Variants in SLC25A37 observed in about 807,000 individuals in gnomAD.
SLC25A37 encodes the protein mitoferrin-1.
SLC25A37 carries 17 observed loss-of-function variants against 31.0 expected under a neutral mutation model. That is an observed-to-expected ratio of 0.55 (90% CI 0.38 to 0.82). The LOEUF (loss-of-function observed/expected upper bound fraction) is 0.82. Among genes scored for constraint, SLC25A37 ranks in the 40% least tolerant of loss-of-function variants. The pLI, the probability that SLC25A37 is intolerant of heterozygous loss-of-function variation, is 0.00. For synonymous variants in SLC25A37, 222 were observed against 193.0 expected (o/e 1.15, Z -1.24); for missense variants, 404 against 465.8 (o/e 0.87, Z 1.22).
intron 1 of SLC25A37, among the ~76,000 whole-genome samples, chr8:23,542,343 A>G (rs960557263): frequency 2.1e-5 from 3 of 145,248 alleles, no homozygotes; most frequent in Admixed American, 2.1e-4. Flanking sequence ...TTACTATGCT[A>G]TACTTTTTGT....
rs1046935435 is a variant in SLC25A37 at position 23,529,928 on chromosome 8, T to A, written c.210+716T>A. 2.4e-4 allele frequency among the ~76,000 whole-genome samples: 36 copies of A among 152,120 alleles called. No homozygotes were observed. The highest frequency in any genetic ancestry group is 2.4e-3 in the Admixed American group (36 of 15,280). ...TGGGTGGGCTTGTGCCTTACAGCCC[T>A]TGCTGTGGATTGTGTGAGAGGCACT... On this transcript the variant is annotated intron_variant, in intron 1 of 3. Transcript: ENST00000519973. This position sits in a 1 kb window ranked among gnomAD's most constrained non-coding sequence, Gnocchi z 4.1.
At chr8:23,547,742 G>T (rs1482416236) in intron 1 of SLC25A37, among the ~76,000 whole-genome samples, 2 of 152,202 alleles carry the variant, frequency 1.3e-5, no homozygotes, top group African/African-American at 2.4e-5. Flanking sequence ...TGTCTGCCTA[G>T]AAATAAATGA....
At chr8:23,568,495 A>T in intron 3 of SLC25A37, 117 bp downstream of exon 3, 1 of 1,108,466 alleles carries the variant, frequency 9.0e-7, no homozygotes, top group Non-Finnish European at 1.4e-6. Context: ...GTCTCCAGTC[A>T]GAGCAGACAG....
At chr8:23,539,409 AC>A (rs1801844740) in intron 1 of SLC25A37, among the ~76,000 whole-genome samples, 1 of 152,068 alleles carries the variant, frequency 6.6e-6, no homozygotes, top group Non-Finnish European at 1.5e-5. Context: ...TGAAAGAGAG[AC>A]CCTGGCTGAT....
rs1393994416 is a variant in SLC25A37, at chr8:23,571,574, G to A, written c.736G>A (p.Ala246Thr). 5.6e-6 allele frequency: 9 copies of A among 1,613,538 alleles called. No individual in the cohort carries two copies. The highest frequency in any genetic ancestry group is 2.2e-5 in the East Asian group (1 of 44,872). ...CATCATCTCAGGCGGGCTGGCCGGG[G>A]CCCTCGCCGCGGCCGCCACGACCCC... is the stretch of plus-strand genomic sequence containing the variant. ...SHIISGGLAG[A>T]LAAAATTPLD... Residue 246 changes from alanine to threonine, a missense_variant, in exon 4 of 4, where the codon GCC (alanine) becomes ACC (threonine). Ala to Thr is a moderately conservative substitution (Grantham distance 58, BLOSUM62 0). Coordinates refer to ENST00000519973, the MANE Select transcript of SLC25A37 (RefSeq NM_016612.4).
At chr8:23,568,450 G>A in intron 3 of SLC25A37, 72 bp downstream of exon 3, 2 of 1,574,022 alleles carry the variant, frequency 1.3e-6, no homozygotes, top group East Asian at 2.2e-5. Flanking sequence ...TTGTGGGAGA[G>A]TGGAGAGGAC....
At chr8:23,559,310 G>T (rs372613745) in intron 1 of SLC25A37, among the ~76,000 whole-genome samples, 15 of 152,006 alleles carry the variant, frequency 9.9e-5, no homozygotes, top group African/African-American at 3.6e-4. Context: ...GACAGGAAAA[G>T]AAATTTGTGA....
intron 2 of SLC25A37, 139 bp from the exon 3 acceptor site, chr8:23,568,183 C>A: frequency 1.2e-6 from 1 of 836,706 alleles, no homozygotes; most frequent in Non-Finnish European, 2.1e-6. Flanking sequence ...TTTTAAGAGT[C>A]AGTGCTCACC....
chr8:23,540,673 G>A (rs1801871109), intron 1 of SLC25A37, among the ~76,000 whole-genome samples: 1 of 152,104 alleles, frequency 6.6e-6, no homozygotes, highest in African/African-American at 2.4e-5. Flanking sequence ...TTTTGAATTC[G>A]GACTAGTCGT....
chr8:23,542,229 G>A (rs1328066471), intron 1 of SLC25A37, among the ~76,000 whole-genome samples: 1 of 152,082 alleles, frequency 6.6e-6, no homozygotes, highest in African/African-American at 2.4e-5. Context: ...GGATGATGCT[G>A]GTGTAAACCT....
At position 23,529,249 on chromosome 8, in the gene SLC25A37, G is replaced by C. The variant is rs1801611250; in HGVS notation, c.210+37G>C. On this transcript the variant is annotated intron_variant, in intron 1 of 3. Transcript: ENST00000519973. This position sits in a 1 kb window ranked among gnomAD's most constrained non-coding sequence, Gnocchi z 4.1. The stretch of plus-strand genomic sequence containing the variant: ...GGAGACTTCGGGGACGCAACGAGCG[G>C]AGAAGGAGCGCGCGCGCGCATTTGC... The C allele has an allele frequency of 6.4e-7, 1 of 1,568,362 alleles. No homozygotes were observed. Among genetic ancestry groups the C allele is most frequent in the Admixed American group, 1.8e-5 (1 of 54,422 alleles).
At chr8:23,553,484 T>G (rs1298435525) in intron 1 of SLC25A37, among the ~76,000 whole-genome samples, 2 of 152,170 alleles carry the variant, frequency 1.3e-5, no homozygotes, top group Non-Finnish European at 2.9e-5. Flanking sequence ...CATTTCTTCC[T>G]TACTTATGAG....
At chr8:23,563,831 AT>A (rs1210548605) in intron 1 of SLC25A37, among the ~76,000 whole-genome samples, 1 of 152,142 alleles carries the variant, frequency 6.6e-6, no homozygotes, top group African/African-American at 2.4e-5. Flanking sequence ...AATATAAAAA[AT>A]TAGCTGGGCG....
At position 23,571,795 on chromosome 8, in the gene SLC25A37, C is replaced by T. The variant is rs1802855900; in HGVS notation, c.957C>T (p.Val319=). The change falls in exon 4 of 4, where the codon GTC becomes GTT. Residue 319 remains valine, a synonymous_variant. Coordinates refer to ENST00000519973, the MANE Select transcript of SLC25A37 (RefSeq NM_016612.4). ...CCTCCACCGCCATTTCTTGGTCTGT[C>T]TATGAGTTCTTCAAGTACTTTCTCA... The part of the protein sequence containing the change: ...QMPSTAISWS[V]YEFFKYFLTK... The T allele has an allele frequency of 3.7e-6, 6 of 1,613,878 alleles. No homozygotes were observed. Among genetic ancestry groups the T allele is most frequent in the Non-Finnish European group, 5.1e-6 (6 of 1,179,774 alleles).
At position 23,529,565 on chromosome 8, in the gene SLC25A37, C is replaced by G. The variant is rs184564509; in HGVS notation, c.210+353C>G. On this transcript the variant is annotated intron_variant, in intron 1 of 3. Transcript: ENST00000519973. The surrounding 1 kb of genome is among the most constrained non-coding windows in gnomAD (Gnocchi z 4.1). Reference sequence around the variant, plus strand: ...ATCGCTGAAGCTCTGCACAGTCTTACCACGCTGGCCGTTCGGGCTGGCTGG... The same window carrying G: ...ATCGCTGAAGCTCTGCACAGTCTTAGCACGCTGGCCGTTCGGGCTGGCTGG... Among the ~76,000 whole-genome samples, 88 of 152,276 alleles carry G rather than the reference C, an allele frequency of 5.8e-4. No individual in the cohort carries two copies. The East Asian group carries it at 0.011, about 19-fold the overall frequency.
At chr8:23,561,657 A>G (rs887817659) in intron 1 of SLC25A37, among the ~76,000 whole-genome samples, 2 of 152,198 alleles carry the variant, frequency 1.3e-5, no homozygotes, top group East Asian at 3.8e-4. Flanking sequence ...CACTCCCTCC[A>G]TAGGTCACCA....
At chr8:23,548,332 C>T (rs1029463140) in intron 1 of SLC25A37, among the ~76,000 whole-genome samples, 3 of 152,130 alleles carry the variant, frequency 2.0e-5, no homozygotes, top group African/African-American at 7.2e-5. Context: ...GCATGTGCCA[C>T]CACGCCCAGC....
chr8:23,545,775 G>A (rs1009391066), intron 1 of SLC25A37, among the ~76,000 whole-genome samples: 4 of 152,150 alleles, frequency 2.6e-5, no homozygotes, highest in African/African-American at 9.7e-5. Context: ...GAGGCAGGGG[G>A]ATTGCTGGCG....
intron 1 of SLC25A37, among the ~76,000 whole-genome samples, chr8:23,560,663 A>C (rs140281845): frequency 6.6e-6 from 1 of 152,214 alleles, no homozygotes; most frequent in Non-Finnish European, 1.5e-5. Flanking sequence ...CTTCTGGGCC[A>C]CTTGCCTCTG....
Sources: gnomAD v4.1 joint callset for allele counts (sites outside exome capture counted in the v4.1 genomes callset) on GRCh38, gnomAD v4.1.1 for gene constraint, Gnocchi (gnomAD v3.1) non-coding constraint, MANE v1.5 for transcripts, NCBI Gene and HGNC (gene_info 2026-07-23, HGNC 2026-07-21) for gene names.